Variants in TNPO1 observed in about 807,000 individuals in gnomAD.
TNPO1 encodes the protein transportin-1.
Under a neutral mutation model 119.5 loss-of-function variants are expected in TNPO1, and 8 were observed. That is an observed-to-expected ratio of 0.07 (90% CI 0.04 to 0.12). TNPO1 has a LOEUF of 0.12. TNPO1 is among the 10% of genes least tolerant of loss of function. TNPO1 has a pLI of 1.00. For missense variants in TNPO1, 576 were observed against 1,089.8 expected (o/e 0.53, Z 6.64); for synonymous variants, 362 against 363.0 (o/e 1.00, Z 0.03).
At chr5:72,865,837 G>A in intron 6 of TNPO1, 108 bp downstream of exon 6, 2 of 1,182,670 alleles carry the variant, frequency 1.7e-6, no homozygotes, top group Non-Finnish European at 2.4e-6. Flanking sequence ...AAAAGATATT[G>A]GATGTTCCAG....
chr5:72,905,496 G>A (rs977284489), intron 24 of TNPO1, 51 bp downstream of exon 24: 10 of 873,546 alleles, frequency 1.1e-5, no homozygotes, highest in Non-Finnish European at 1.6e-5. Context: ...ATTTTGTTAG[G>A]GCTGTCATTT....
intron 1 of TNPO1, among the ~76,000 whole-genome samples, chr5:72,828,432 A>G (rs1380136358): frequency 6.6e-6 from 1 of 152,244 alleles, no homozygotes; most frequent in East Asian, 1.9e-4. Context: ...CAAATAATTC[A>G]GAAAACTCCC....
chr5:72,856,788 T>C (rs1027709966), intron 4 of TNPO1, among the ~76,000 whole-genome samples: 6 of 152,206 alleles, frequency 3.9e-5, no homozygotes, highest in Non-Finnish European at 8.8e-5. Flanking sequence ...ATTAACATGC[T>C]TAATTATAGT....
intron 1 of TNPO1, 74 bp downstream of exon 1, chr5:72,816,826 C>T: frequency 2.0e-6 from 3 of 1,510,402 alleles, no homozygotes; most frequent in Non-Finnish European, 2.7e-6. Context: ...AGCTGCCTGA[C>T]GCGCCTACGG....
At chr5:72,906,953 G>A (rs1329510860) in intron 24 of TNPO1, among the ~76,000 whole-genome samples, 1 of 152,056 alleles carries the variant, frequency 6.6e-6, no homozygotes, top group Non-Finnish European at 1.5e-5. Flanking sequence ...TGTACACCAA[G>A]TTGAATTACA....
chr5:72,871,142 A>G (rs1349866640), intron 6 of TNPO1, among the ~76,000 whole-genome samples: 1 of 151,956 alleles, frequency 6.6e-6, no homozygotes, highest in East Asian at 1.9e-4. Context: ...AGGCCCGGCT[A>G]ATTTTTGTAT....
intron 1 of TNPO1, among the ~76,000 whole-genome samples, chr5:72,837,808 A>C (rs897351483): frequency 2.0e-5 from 3 of 152,186 alleles, no homozygotes; most frequent in African/African-American, 7.2e-5. Context: ...TTCACAGATG[A>C]CTAAACTGTG....
chr5:72,877,364 T>A lies in TNPO1; in HGVS notation c.920+18T>A, dbSNP rs777071750. 1.0e-5 allele frequency: 13 copies of A among 1,259,410 alleles called. No individual in the cohort carries two copies. Among genetic ancestry groups the A allele is most frequent in the Admixed American group, 1.8e-5 (1 of 55,430 alleles). The allele number at this position is 1,259,410 out of a possible 1,614,324, so 78.0% of individuals were successfully genotyped here. A position where few individuals can be genotyped will look rare whatever the true frequency, so the allele number is the denominator to read the frequency against. On this transcript the variant is annotated intron_variant, in intron 9 of 24. Transcript: ENST00000337273. The stretch of plus-strand genomic sequence containing the variant: ...CTTCCTAAGTAAGTGTTCCCTCTTA[T>A]AAATGCTGCCTTGTTCTTTAATTTC...
chr5:72,851,452 A>C, intron 3 of TNPO1, 133 bp downstream of exon 3: 1 of 590,730 alleles, frequency 1.7e-6, no homozygotes, highest in South Asian at 2.1e-5. Flanking sequence ...AAACAGTCTT[A>C]GTTAATACCA....
intron 4 of TNPO1, among the ~76,000 whole-genome samples, chr5:72,857,978 G>A (rs1746134163): frequency 6.6e-6 from 1 of 152,192 alleles, no homozygotes; most frequent in South Asian, 2.1e-4. Flanking sequence ...ATTGACTTAT[G>A]TAGGCATTTT....
chr5:72,886,504 G>A (rs1032468481), intron 11 of TNPO1, among the ~76,000 whole-genome samples: 5 of 152,198 alleles, frequency 3.3e-5, no homozygotes, highest in Admixed American at 6.5e-5. Context: ...TTGTTTTACT[G>A]TATAGACAGA....
intron 6 of TNPO1, among the ~76,000 whole-genome samples, chr5:72,866,663 A>C (rs1746929319): frequency 6.6e-6 from 1 of 152,168 alleles, no homozygotes; most frequent in African/African-American, 2.4e-5. Context: ...TCAAGGTGGG[A>C]GGATTGCTTA....
intron 1 of TNPO1, among the ~76,000 whole-genome samples, chr5:72,819,545 T>C (rs1333610581): frequency 1.3e-5 from 2 of 152,308 alleles, no homozygotes; most frequent in East Asian, 3.9e-4. Flanking sequence ...TGGAATTTTC[T>C]GGAGTAGATA....
At chr5:72,883,578 T>G (rs1369714686) in intron 11 of TNPO1, among the ~76,000 whole-genome samples, 1 of 152,254 alleles carries the variant, frequency 6.6e-6, no homozygotes, top group African/African-American at 2.4e-5. Flanking sequence ...ACGGTTCATT[T>G]TGTAGCATTC....
rs149968236 is a variant in TNPO1 at position 72,906,184 on chromosome 5, AAG to A, written c.*35+741_*35+742del. On this transcript the variant is annotated intron_variant, in intron 24 of 24. Coordinates refer to ENST00000337273, the MANE Select transcript of TNPO1 (RefSeq NM_002270.4). ...GGACTTTTCATTTCACGTGCTTTGA[AAG>A]AAAACTCAGTTGGGTTTTGGCCCAC... Among the ~76,000 whole-genome samples, 1,253 of 149,928 alleles carry A rather than the reference AAG, an allele frequency of 8.4e-3. 14 individuals are homozygous for A. The highest frequency in any genetic ancestry group is 0.03 in the African/African-American group (1,189 of 39,750).
intron 13 of TNPO1, 134 bp from the exon 14 acceptor site, chr5:72,889,652 G>A (rs1748909296): frequency 1.2e-6 from 1 of 808,224 alleles, no homozygotes; most frequent in Non-Finnish European, 1.9e-6. Flanking sequence ...GATGACCAGG[G>A]CTTTCATTAA....
At chr5:72,855,192 C>T (rs1490161067) in intron 3 of TNPO1, among the ~76,000 whole-genome samples, 3 of 151,724 alleles carry the variant, frequency 2.0e-5, no homozygotes, top group Non-Finnish European at 4.4e-5. Flanking sequence ...TACGGGGTTT[C>T]ACCATGTAGG....
At chr5:72,872,378 A>G (rs1425293396) in intron 6 of TNPO1, among the ~76,000 whole-genome samples, 4 of 152,142 alleles carry the variant, frequency 2.6e-5, no homozygotes, top group Non-Finnish European at 5.9e-5. Flanking sequence ...CTTTATGGGT[A>G]TGCACTATTA....
chr5:72,842,316 T>G (rs1485911409), intron 1 of TNPO1, among the ~76,000 whole-genome samples: 1 of 150,582 alleles, frequency 6.6e-6, no homozygotes. Context: ...GCTTCCAGAC[T>G]GGACACTGGA....
Sources: allele counts gnomAD v4.1 joint callset (sites outside exome capture counted in the v4.1 genomes callset), GRCh38; gene constraint gnomAD v4.1.1; transcripts MANE v1.5; gene names NCBI Gene and HGNC (gene_info 2026-07-23, HGNC 2026-07-21).